Variants in SPAG17 observed in about 807,000 individuals in gnomAD.
SPAG17 encodes the protein sperm associated antigen 17, also known as sperm-associated antigen 17.
A neutral mutation model predicts 273.6 loss-of-function variants in SPAG17; 169 were observed. The ratio of observed to expected loss-of-function variants is 0.62; its 90% CI spans 0.55 to 0.70. SPAG17 has a LOEUF of 0.70. SPAG17 is among the 30% of genes least tolerant of loss of function. The probability of loss-of-function intolerance (pLI) is 0.00; values close to 1 mark genes in which losing one functional copy is unlikely to be tolerated. For synonymous variants in SPAG17, 825 were observed against 873.2 expected (o/e 0.94, Z 0.97); for missense variants, 2,557 against 2,627.8 (o/e 0.97, Z 0.59).
At chr1:118,179,468 TA>T (rs1660843444) in intron 1 of SPAG17, among the ~76,000 whole-genome samples, 1 of 151,986 alleles carries the variant, frequency 6.6e-6, no homozygotes, top group Non-Finnish European at 1.5e-5. Flanking sequence ...TTAAATCTAA[TA>T]CCTGAAACTA....
intron 1 of SPAG17, among the ~76,000 whole-genome samples, chr1:118,160,908 G>C (rs1659877224): frequency 6.6e-6 from 1 of 152,142 alleles, no homozygotes; most frequent in Non-Finnish European, 1.5e-5. Context: ...TATTATGCTA[G>C]CAGGGAATGA....
chr1:118,041,777 C>CT, intron 21 of SPAG17, 26 bp downstream of exon 21: 14 of 1,594,844 alleles, frequency 8.8e-6, no homozygotes, highest in Non-Finnish European at 1.2e-5. Context: ...CCCAAAGAGA[C>CT]TAAGTTTTAC....
At chr1:118,044,753 G>C (rs1379231674) in intron 20 of SPAG17, among the ~76,000 whole-genome samples, 1 of 152,062 alleles carries the variant, frequency 6.6e-6, no homozygotes, top group Non-Finnish European at 1.5e-5. Context: ...AGATCTGGTT[G>C]TTTAAAAGTG....
intron 24 of SPAG17, 109 bp downstream of exon 24, chr1:118,036,661 G>A (rs907437901): frequency 4.2e-6 from 3 of 707,008 alleles, no homozygotes; most frequent in African/African-American, 3.6e-5. Flanking sequence ...AAACAATGAG[G>A]AGCATTAAAT....
At chr1:118,149,998 G>A (rs1659281879) in intron 3 of SPAG17, among the ~76,000 whole-genome samples, 1 of 152,160 alleles carries the variant, frequency 6.6e-6, no homozygotes, top group Non-Finnish European at 1.5e-5. Context: ...GCAGCTGTTG[G>A]AAATGGAACG....
intron 2 of SPAG17, among the ~76,000 whole-genome samples, chr1:118,150,873 C>G (rs1004654059): frequency 6.6e-6 from 1 of 152,140 alleles, no homozygotes; most frequent in African/African-American, 2.4e-5. Context: ...AGCTATGATT[C>G]TCTGTAGCCT....
intron 40 of SPAG17, among the ~76,000 whole-genome samples, chr1:117,987,335 T>A (rs761108600): frequency 6.6e-6 from 1 of 152,184 alleles, no homozygotes; most frequent in Non-Finnish European, 1.5e-5. Context: ...CCTGAAGTTA[T>A]CCTGAAGAGA....
At chr1:117,993,573 A>G (rs1268003883) in intron 35 of SPAG17, among the ~76,000 whole-genome samples, 1 of 152,188 alleles carries the variant, frequency 6.6e-6, no homozygotes, top group African/African-American at 2.4e-5. Context: ...CATGTTGACT[A>G]TAGTCACCAA....
chr1:118,031,795 A>G lies in SPAG17; in HGVS notation c.3506T>C (p.Ile1169Thr), dbSNP rs1648507787. 2 of 1,613,558 alleles carry G rather than the reference A, an allele frequency of 1.2e-6. No individual in the cohort carries two copies. The highest frequency in any genetic ancestry group is 8.5e-7 in the Non-Finnish European group (1 of 1,179,698). ...AGCTTTGCTTTGAGGAACGGTCACT[A>G]TAACAGGAACCACTGTTGGAGTGAG... The part of the protein sequence containing the change: ...SALTPTVVPV[I>T]VTVPQSKAKG... The change falls in exon 25 of 49, where the codon ATA becomes ACA. Residue 1169 changes from isoleucine (I) to threonine (T), a missense_variant. By Grantham distance (89) the Ile-to-Thr change is moderately conservative. Transcript: ENST00000336338.
At position 117,983,847 on chromosome 1, in the gene SPAG17, C is replaced by G; in HGVS notation, c.5836G>C (p.Glu1946Gln). The G allele has an allele frequency of 6.2e-7, 1 of 1,612,420 alleles. No individual in the cohort carries two copies. The highest frequency in any genetic ancestry group is 1.1e-5 in the South Asian group (1 of 90,974). ...SFTKKNEDAN[E>Q]TAVQDTSDLN... is the part of the protein sequence containing the mutation. ...TCAGATGTATCTTGAACAGCTGTTT[C>G]GTTTGCATCTTCATTTTTCTTTGTA... is the stretch of plus-strand genomic sequence containing the variant. The change falls in exon 42 of 49, where the codon GAA (glutamate) becomes CAA (glutamine). Residue 1946 changes from glutamate (E) to glutamine (Q), a missense_variant. Coordinates refer to ENST00000336338, the MANE Select transcript of SPAG17 (RefSeq NM_206996.4).
chr1:118,176,583 G>T (rs1389682533), intron 1 of SPAG17, among the ~76,000 whole-genome samples: 2 of 152,134 alleles, frequency 1.3e-5, no homozygotes, highest in African/African-American at 4.8e-5. Flanking sequence ...GTTGTAAAGG[G>T]AGAGATAGAT....
chr1:117,982,241 ATTT>A (rs763137879), intron 42 of SPAG17, among the ~76,000 whole-genome samples: 5 of 132,750 alleles, frequency 3.8e-5, no homozygotes, highest in African/African-American at 8.4e-5. Flanking sequence ...CTATCTGCTT[ATTT>A]TTTTTTTTTT....
intron 3 of SPAG17, among the ~76,000 whole-genome samples, chr1:118,116,175 C>T (rs923667492): frequency 6.6e-6 from 1 of 152,118 alleles, no homozygotes; most frequent in Non-Finnish European, 1.5e-5. Flanking sequence ...CATCTGGGCC[C>T]TTTTCCTTGG....
chr1:118,164,520 C>T (rs1351489839), intron 1 of SPAG17, among the ~76,000 whole-genome samples: 2 of 152,208 alleles, frequency 1.3e-5, no homozygotes, highest in Non-Finnish European at 1.5e-5. Context: ...CTTTTTGAAT[C>T]TGTCTCTTCC....
At chr1:118,080,438 A>G (rs1654450644) in intron 15 of SPAG17, among the ~76,000 whole-genome samples, 1 of 152,136 alleles carries the variant, frequency 6.6e-6, no homozygotes, top group Non-Finnish European at 1.5e-5. Context: ...AGCAACAGCA[A>G]AAAGATGGAA....
chr1:118,071,389 C>T (rs1033578235), intron 17 of SPAG17, among the ~76,000 whole-genome samples: 2 of 152,066 alleles, frequency 1.3e-5, no homozygotes, highest in Admixed American at 1.3e-4. Flanking sequence ...GTGGCTCACA[C>T]CTGTAATGCC....
Position 117,988,086 on chromosome 1 carries a change from C to T in SPAG17, c.5621+19G>A. The T allele has an allele frequency of 1.3e-6, 2 of 1,577,098 alleles. No individual in the cohort carries two copies. Among genetic ancestry groups the T allele is most frequent in the East Asian group, 2.3e-5 (1 of 44,430 alleles). On this transcript the variant is annotated intron_variant, in intron 39 of 48. Coordinates refer to ENST00000336338, the MANE Select transcript of SPAG17 (RefSeq NM_206996.4). ...TGCATACCTAATACTAATTAGAACA[C>T]ATTATTGGATTAGCTTACCTCCATG...
chr1:117,980,385 C>A lies in SPAG17; in HGVS notation c.6004+885G>T, dbSNP rs192233203. Among the ~76,000 whole-genome samples, 259 of 152,222 alleles carry A rather than the reference C, an allele frequency of 1.7e-3. 2 individuals carry two copies. The highest frequency in any genetic ancestry group is 0.014 in the Middle Eastern group (4 of 294). On this transcript the variant is annotated intron_variant, in intron 43 of 48. Transcript: ENST00000336338. ...TAGCTAGCATTACAGGCAAGCGCCA[C>A]CATGCCCAGCTAATTTTTGTATTTT...
rs150842069 is a variant in SPAG17, at chr1:118,077,941, C to T, written c.2209+3160G>A. ...AGCCCTCTGTTCAAATCCTGACTTC[C>T]TACTTGTATGTAGTTGAACAAATTA... On this transcript the variant is annotated intron_variant, in intron 15 of 48. Coordinates refer to ENST00000336338, the MANE Select transcript of SPAG17 (RefSeq NM_206996.4). Among the ~76,000 whole-genome samples, 421 of 152,210 alleles carry T rather than the reference C, an allele frequency of 2.8e-3. 1 individual carries two copies. The highest frequency in any genetic ancestry group is 0.017 in the Middle Eastern group (5 of 294).
Sources: allele counts gnomAD v4.1 joint callset (sites outside exome capture counted in the v4.1 genomes callset), GRCh38; gene constraint gnomAD v4.1.1; transcripts MANE v1.5; gene names NCBI Gene and HGNC (gene_info 2026-07-23, HGNC 2026-07-21).